The following NBEA variants were observed in gnomAD, a reference collection of about 807,000 sequenced individuals.
NBEA encodes the protein lysosomal-trafficking regulator 2.
In NBEA, 44 loss-of-function variants were observed where a neutral mutation model predicts 343.4. That is an observed-to-expected ratio of 0.13 (90% CI 0.10 to 0.16). The LOEUF (loss-of-function observed/expected upper bound fraction) is 0.16. Ranked by LOEUF, NBEA falls within the 10% of genes least tolerant of loss-of-function variation. The probability of loss-of-function intolerance (pLI) is 1.00; values close to 1 mark genes in which losing one functional copy is unlikely to be tolerated. For missense variants in NBEA, 2,555 were observed against 3,631.3 expected, an observed-to-expected ratio of 0.70 and a Z score of 7.62; for synonymous variants, 1,175 against 1,238.7, an observed-to-expected ratio of 0.95 and a Z score of 1.08.
intron 38 of NBEA, among the ~76,000 whole-genome samples, chr13:35,425,501 G>A (rs1157335941): frequency 6.6e-6 from 1 of 152,152 alleles, no homozygotes; most frequent in Non-Finnish European, 1.5e-5. Context: ...ATTGCACTGC[G>A]GTCTGAGAGA....
intron 39 of NBEA, among the ~76,000 whole-genome samples, chr13:35,433,392 G>A (rs1474619502): frequency 6.6e-6 from 1 of 151,454 alleles, no homozygotes; most frequent in African/African-American, 2.4e-5. Context: ...CTTTTATTTG[G>A]GAGTACTAAG....
At chr13:35,228,389 T>G (rs1285895505) in intron 33 of NBEA, among the ~76,000 whole-genome samples, 2 of 150,474 alleles carry the variant, frequency 1.3e-5, no homozygotes, top group African/African-American at 4.9e-5. Flanking sequence ...TTTTTTTTTA[T>G]TTGTGTAAAT....
At chr13:35,240,263 A>G (rs1424768182) in intron 34 of NBEA, among the ~76,000 whole-genome samples, 2 of 151,890 alleles carry the variant, frequency 1.3e-5, no homozygotes, top group Admixed American at 6.6e-5. Flanking sequence ...TCATTGTATT[A>G]TGAAGTTATT....
chr13:35,354,454 A>C (rs980426996), intron 38 of NBEA, among the ~76,000 whole-genome samples: 3 of 152,210 alleles, frequency 2.0e-5, no homozygotes, highest in Non-Finnish European at 4.4e-5. Flanking sequence ...CCATAGCAGC[A>C]GTCATGTGGT....
At chr13:35,534,189 C>G (rs1034123462) in intron 41 of NBEA, among the ~76,000 whole-genome samples, 7 of 152,118 alleles carry the variant, frequency 4.6e-5, no homozygotes, top group African/African-American at 1.7e-4. Flanking sequence ...AATCCTAAAC[C>G]TAGGAAATGG....
chr13:35,052,655 G>C (rs1195793171), intron 6 of NBEA, among the ~76,000 whole-genome samples: 3 of 151,180 alleles, frequency 2.0e-5, no homozygotes, highest in Non-Finnish European at 4.4e-5. Context: ...CAGATCAAAA[G>C]TTAGGCTTTT....
intron 1 of NBEA, among the ~76,000 whole-genome samples, chr13:34,946,258 C>A (rs1220013844): frequency 6.6e-6 from 1 of 152,072 alleles, no homozygotes; most frequent in Non-Finnish European, 1.5e-5. Context: ...AATTTAACTA[C>A]AGAGAAGAGA....
chr13:35,653,442 C>A (rs920241156), intron 53 of NBEA, among the ~76,000 whole-genome samples: 2 of 151,668 alleles, frequency 1.3e-5, no homozygotes. Context: ...CCAATTCCCC[C>A]ACCTCAGCCT....
chr13:35,327,921 A>C (rs553483749), intron 36 of NBEA, among the ~76,000 whole-genome samples: 124 of 151,978 alleles, frequency 8.2e-4, no homozygotes, highest in African/African-American at 2.7e-3. Context: ...TAAAAAAAAA[A>C]CTCTCAGCAA....
intron 41 of NBEA, chr13:35,475,863 G>A (rs1164443764): frequency 6.2e-7 from 1 of 1,614,042 alleles, no homozygotes; most frequent in Admixed American, 1.7e-5. Flanking sequence ...CGGGCAGTGA[G>A]CCATCGTCCA....
intron 38 of NBEA, among the ~76,000 whole-genome samples, chr13:35,392,493 T>G (rs1042451388): frequency 2.0e-5 from 3 of 151,780 alleles, no homozygotes; most frequent in Admixed American, 2.0e-4. Context: ...TGTTTTTTTT[T>G]TTTGCCTTTA....
intron 25 of NBEA, 131 bp downstream of exon 25, chr13:35,169,126 A>G (rs1282092083): frequency 1.7e-6 from 1 of 583,142 alleles, no homozygotes; most frequent in Non-Finnish European, 2.7e-6. Flanking sequence ...TCTTTTGTAT[A>G]TTTAAAAGAG....
intron 36 of NBEA, among the ~76,000 whole-genome samples, chr13:35,312,084 C>G (rs1460410035): frequency 6.6e-6 from 1 of 152,060 alleles, no homozygotes; most frequent in African/African-American, 2.4e-5. Context: ...TCAAATACTG[C>G]TATAAGAGTT....
At chr13:35,268,699 T>C (rs2033889371) in intron 34 of NBEA, among the ~76,000 whole-genome samples, 2 of 152,120 alleles carry the variant, frequency 1.3e-5, no homozygotes, top group African/African-American at 2.4e-5. Flanking sequence ...TGTATATTCA[T>C]TTCCAGTCTT....
At chr13:35,047,368 C>T (rs1490152232) in intron 4 of NBEA, among the ~76,000 whole-genome samples, 1 of 151,896 alleles carries the variant, frequency 6.6e-6, no homozygotes, top group Non-Finnish European at 1.5e-5. Context: ...TATGCAAATA[C>T]AGCTTGCTAC....
At chr13:35,186,032 G>A (rs964901516) in intron 30 of NBEA, 3 of 152,068 alleles carry the variant, frequency 2.0e-5, no homozygotes, top group Non-Finnish European at 2.9e-5. Context: ...GGCCCAGCTC[G>A]GTGGTGCATG....
At chr13:35,579,934 G>A (rs1397506778) in intron 45 of NBEA, among the ~76,000 whole-genome samples, 1 of 152,042 alleles carries the variant, frequency 6.6e-6, no homozygotes, top group African/African-American at 2.4e-5. Context: ...CTACAGTAGT[G>A]TTTCATGTGA....
At chr13:35,368,176 G>A (rs1166777589) in intron 38 of NBEA, among the ~76,000 whole-genome samples, 4 of 151,366 alleles carry the variant, frequency 2.6e-5, no homozygotes, top group Non-Finnish European at 3.0e-5. Context: ...TATGTAATTC[G>A]TTATCTTATA....
At chr13:34,968,927 A>G (rs2059913078) in intron 1 of NBEA, among the ~76,000 whole-genome samples, 1 of 152,046 alleles carries the variant, frequency 6.6e-6, no homozygotes, top group African/African-American at 2.4e-5. Context: ...GTGTTTTAAT[A>G]TCAATTGAGA....
Sources: allele counts gnomAD v4.1 joint callset (sites outside exome capture counted in the v4.1 genomes callset), GRCh38; gene constraint gnomAD v4.1.1; transcripts MANE v1.5; gene names NCBI Gene and HGNC (gene_info 2026-07-23, HGNC 2026-07-21).